Variants in ASPRV1 observed in about 807,000 individuals in gnomAD.
The protein encoded by ASPRV1 is aspartic peptidase retroviral like 1, also known as retroviral-like aspartic protease 1.
Under a neutral mutation model 11.0 loss-of-function variants are expected in ASPRV1, and 7 were observed. The ratio of observed to expected loss-of-function variants is 0.64; its 90% CI spans 0.36 to 1.20. The LOEUF is 1.20. Ranked by LOEUF, ASPRV1 falls within the 50% of genes most tolerant of loss-of-function variation. The probability of loss-of-function intolerance (pLI) is 0.02; values close to 1 mark genes in which losing one functional copy is unlikely to be tolerated. For synonymous variants in ASPRV1, 136 were observed against 138.4 expected (o/e 0.98, Z 0.12); for missense variants, 299 against 320.0 (o/e 0.93, Z 0.50).
the ASPRV1 span, chr2:69,971,397 C>G: frequency 3.9e-5 from 6 of 152,122 alleles, no homozygotes; most frequent in African/African-American, 1.4e-4. Flanking sequence ...ATTTGGAAAA[C>G]TGCTATAGCC....
chr2:70,077,593 C>T, the ASPRV1 span, among the ~76,000 whole-genome samples: 1 of 152,294 alleles, frequency 6.6e-6, no homozygotes, highest in South Asian at 2.1e-4. Context: ...GTGGCTCACA[C>T]CTGTAATCCC....
At chr2:69,952,950 G>A in the ASPRV1 span, among the ~76,000 whole-genome samples, 7 of 152,216 alleles carry the variant, frequency 4.6e-5, no homozygotes, top group South Asian at 2.1e-4. Context: ...CCTTCAGCCC[G>A]TACCAGGGCA....
chr2:70,056,193 AG>A, the ASPRV1 span: 1 of 152,224 alleles, frequency 6.6e-6, no homozygotes, highest in South Asian at 2.1e-4. Flanking sequence ...AAGGAGGGGT[AG>A]GGCAAGAAGA....
chr2:70,020,823 C>A, the ASPRV1 span, among the ~76,000 whole-genome samples: 1 of 151,992 alleles, frequency 6.6e-6, no homozygotes. Context: ...GCATGGAGAA[C>A]AGAGGGTACT....
the ASPRV1 span, chr2:70,086,235 T>C: frequency 6.6e-6 from 1 of 152,166 alleles, no homozygotes; most frequent in Non-Finnish European, 1.5e-5. Context: ...AATTTCTCGT[T>C]GGCGACGAAT....
upstream of ASPRV1, chr2:69,961,743 C>T (rs879468002): frequency 3.0e-5 from 45 of 1,503,562 alleles, 1 homozygote; most frequent in Admixed American, 1.6e-4. Context: ...TGCCAGCATC[C>T]GGCCGGACTA....
At chr2:69,939,438 C>G in the ASPRV1 span, 1 of 152,572 alleles carries the variant, frequency 6.6e-6, no homozygotes, top group Non-Finnish European at 1.5e-5. Flanking sequence ...CTTAAGTGGT[C>G]TCCGACTTTG....
the ASPRV1 span, among the ~76,000 whole-genome samples, chr2:70,073,861 C>T: frequency 6.6e-6 from 1 of 151,968 alleles, no homozygotes; most frequent in East Asian, 1.9e-4. Context: ...CAGCCAGGTG[C>T]GGTGACTCAC....
the ASPRV1 span, among the ~76,000 whole-genome samples, chr2:70,076,733 T>C: frequency 6.5e-4 from 99 of 152,304 alleles, no homozygotes; most frequent in South Asian, 0.02. Flanking sequence ...TATTATAAAC[T>C]TGAATATCTC....
the ASPRV1 span, chr2:69,938,062 TTCA>T: frequency 6.2e-7 from 1 of 1,601,298 alleles, no homozygotes; most frequent in Non-Finnish European, 8.5e-7. Flanking sequence ...GCAGAGCGCT[TTCA>T]TCAATGTCCT....
Position 69,960,842 on chromosome 2 carries a change from TG to T in ASPRV1, c.594del (p.Ile199SerfsTer23). The stretch of plus-strand genomic sequence containing the variant: ...TCCTGGAGCACATCAGTGCCAATGA[TG>T]GCTTCCTCGGCACTCGCATTGGCCA... The part of the protein sequence containing the change: ...FLVANASAEE[A>X]IIGTDVLQDH... On this transcript the variant is annotated frameshift_variant, in exon 1 of 1. Coordinates refer to ENST00000320256, the MANE Select transcript of ASPRV1 (RefSeq NM_152792.4). LOFTEE classifies it high-confidence loss of function. 1 of 1,614,136 alleles carries T rather than the reference TG, an allele frequency of 6.2e-7. No homozygotes were observed. Among genetic ancestry groups the T allele is most frequent in the Non-Finnish European group, 8.5e-7 (1 of 1,180,014 alleles).
chr2:70,043,558 G>A, the ASPRV1 span, among the ~76,000 whole-genome samples: 13 of 152,232 alleles, frequency 8.5e-5, no homozygotes, highest in African/African-American at 2.7e-4. Context: ...CTTTGTCATC[G>A]CTTTTTGCAT....
chr2:69,967,073 G>A, the ASPRV1 span, among the ~76,000 whole-genome samples: 1 of 152,226 alleles, frequency 6.6e-6, no homozygotes, highest in East Asian at 1.9e-4. Context: ...CTGTAAATCA[G>A]TGTCAGGCAC....
At chr2:69,988,607 G>A in the ASPRV1 span, 4 of 345,808 alleles carry the variant, frequency 1.2e-5, no homozygotes, top group South Asian at 8.9e-5. Flanking sequence ...GAATGGTGTT[G>A]ATGGTTACAT....
upstream of ASPRV1, chr2:69,961,753 A>G (rs1678127418): frequency 6.7e-7 from 1 of 1,485,478 alleles, no homozygotes; most frequent in South Asian, 1.3e-5. Flanking sequence ...CGGCCGGACT[A>G]GCAGGATGGG....
At chr2:70,050,053 G>A in the ASPRV1 span, 2 of 152,192 alleles carry the variant, frequency 1.3e-5, no homozygotes, top group South Asian at 2.1e-4. Flanking sequence ...CGAGGCTGAG[G>A]TGGGCAGATC....
At chr2:69,937,349 A>G in the ASPRV1 span, 1 of 1,613,974 alleles carries the variant, frequency 6.2e-7, no homozygotes, top group South Asian at 1.1e-5. Context: ...CCGGATGGAC[A>G]GCATCGGCTC....
chr2:69,997,269 T>C, the ASPRV1 span, among the ~76,000 whole-genome samples: 30 of 152,044 alleles, frequency 2.0e-4, no homozygotes, highest in South Asian at 3.3e-3. Context: ...CTCTACATTT[T>C]ACTCAATGAC....
the ASPRV1 span, among the ~76,000 whole-genome samples, chr2:70,042,780 A>C: frequency 1.3e-5 from 2 of 152,290 alleles, no homozygotes; most frequent in South Asian, 4.1e-4. Context: ...GGTAGGGGGT[A>C]CAGACCTTGC....
Sources: allele counts gnomAD v4.1 joint callset (sites outside exome capture counted in the v4.1 genomes callset), GRCh38; gene constraint gnomAD v4.1.1; transcripts MANE v1.5; gene names NCBI Gene and HGNC (gene_info 2026-07-23, HGNC 2026-07-21).